Variants in UPF2 observed in about 807,000 individuals in gnomAD.
UPF2 encodes the protein UPF2 regulator of nonsense mediated mRNA decay.
In UPF2, 17 loss-of-function variants were observed where a neutral mutation model predicts 141.4. The observed-to-expected ratio is 0.12, with a 90% CI of 0.08 to 0.18. UPF2 has a LOEUF of 0.18. Ranked by LOEUF, UPF2 falls within the 10% of genes least tolerant of loss-of-function variation. UPF2 has a pLI of 1.00. For missense variants in UPF2, 1,152 were observed against 1,515.9 expected, an observed-to-expected ratio of 0.76 and a Z score of 3.99; for synonymous variants, 540 against 498.0, an observed-to-expected ratio of 1.08 and a Z score of -1.12.
At chr10:11,928,692 G>C (rs1303517428) in intron 21 of UPF2, 2 of 355,684 alleles carry the variant, frequency 5.6e-6, no homozygotes, top group Non-Finnish European at 5.5e-6. Flanking sequence ...CTGGGCGACA[G>C]AGCCAGACTC....
At chr10:11,928,634 G>A (rs977374551) in intron 21 of UPF2, 9 of 229,030 alleles carry the variant, frequency 3.9e-5, no homozygotes, top group African/African-American at 7.1e-5. Flanking sequence ...GCGTGAACCC[G>A]GGAGGCAGAG....
intron 16 of UPF2, among the ~76,000 whole-genome samples, chr10:11,945,038 G>A (rs1832983730): frequency 6.6e-6 from 1 of 152,240 alleles, no homozygotes; most frequent in Non-Finnish European, 1.5e-5. Context: ...CCTTAGGGCA[G>A]TAACCATGAA....
chr10:11,922,122 G>A (rs868175630), intron 21 of UPF2, among the ~76,000 whole-genome samples: 3 of 152,074 alleles, frequency 2.0e-5, no homozygotes, highest in African/African-American at 7.2e-5. Flanking sequence ...AAAGACTGCC[G>A]GCACCCCCAG....
At chr10:12,017,774 G>C (rs2131291051) in intron 3 of UPF2, among the ~76,000 whole-genome samples, 1 of 152,022 alleles carries the variant, frequency 6.6e-6, no homozygotes, top group African/African-American at 2.4e-5. Flanking sequence ...TTAAGTTCTG[G>C]GATACATGTG....
rs769823744 is a variant in UPF2, at chr10:11,935,786, G to A, written c.3546+759C>T. 3.9e-5 allele frequency among the ~76,000 whole-genome samples: 6 copies of A among 152,158 alleles called. No homozygotes were observed. Among genetic ancestry groups the A allele is most frequent in the Admixed American group, 1.3e-4 (2 of 15,282 alleles). On this transcript the variant is annotated intron_variant, in intron 19 of 21. Transcript: ENST00000357604. This position sits in a 1 kb window ranked among gnomAD's most constrained non-coding sequence, Gnocchi z 4.9. Reference sequence around the variant, plus strand: ...CCTGAAATAGAATAGTACCTGGCACGTAGTGATGCTCAATAGTTGACAAAT... The same window carrying A: ...CCTGAAATAGAATAGTACCTGGCACATAGTGATGCTCAATAGTTGACAAAT...
At chr10:11,957,698 G>C (rs932517798) in intron 12 of UPF2, among the ~76,000 whole-genome samples, 1 of 151,922 alleles carries the variant, frequency 6.6e-6, no homozygotes, top group African/African-American at 2.4e-5. Flanking sequence ...TGTATTTTTG[G>C]TAGAAATGAG....
At position 11,956,077 on chromosome 10, in the gene UPF2, G is replaced by A. The variant is rs534348680; in HGVS notation, c.2574+243C>T. Among the ~76,000 whole-genome samples, 29 of 151,574 alleles carry A rather than the reference G, an allele frequency of 1.9e-4. No homozygotes were observed. The highest frequency in any genetic ancestry group is 6.1e-4 in the African/African-American group (25 of 41,320). ...CAGGAGAATTGCTTGAACCCAGGAG[G>A]AAGAGGTTGCAGCGAGCGGAGATCG... On this transcript the variant is annotated intron_variant, in intron 13 of 21. Coordinates refer to ENST00000357604, the MANE Select transcript of UPF2 (RefSeq NM_015542.4). The surrounding 1 kb of genome is among the most constrained non-coding windows in gnomAD (Gnocchi z 4.2).
chr10:12,013,463 G>C (rs1187201575), intron 4 of UPF2, among the ~76,000 whole-genome samples: 2 of 151,866 alleles, frequency 1.3e-5, no homozygotes, highest in Non-Finnish European at 1.5e-5. Context: ...TTTTAGTAGA[G>C]ATGGCGTTTC....
chr10:11,989,483 G>T (rs990274062), intron 8 of UPF2, among the ~76,000 whole-genome samples: 8 of 151,990 alleles, frequency 5.3e-5, no homozygotes, highest in African/African-American at 1.9e-4. Flanking sequence ...AATGTAAAGA[G>T]TAACAGTCAA....
At chr10:11,987,347 T>C (rs1267286136) in intron 8 of UPF2, among the ~76,000 whole-genome samples, 1 of 152,180 alleles carries the variant, frequency 6.6e-6, no homozygotes, top group Non-Finnish European at 1.5e-5. Context: ...CAAAAAAAGA[T>C]ATAAACACTT....
chr10:11,973,318 C>T (rs967155918), intron 9 of UPF2, among the ~76,000 whole-genome samples: 5 of 152,002 alleles, frequency 3.3e-5, no homozygotes, highest in African/African-American at 1.2e-4. Context: ...TAAAAATTTT[C>T]TCCCATTCTG....
intron 9 of UPF2, among the ~76,000 whole-genome samples, chr10:11,976,236 A>C (rs1833505220): frequency 6.6e-6 from 1 of 152,226 alleles, no homozygotes; most frequent in Non-Finnish European, 1.5e-5. Context: ...GGAAAAACAT[A>C]CCAGACTGCA....
chr10:12,003,923 C>CAA (rs34191709), intron 5 of UPF2, among the ~76,000 whole-genome samples: 45,015 of 81,516 alleles, frequency 0.55, 11,931 homozygotes, highest in East Asian at 0.8. Context: ...AACTCCGCCT[C>CAA]AAAAAAAAAA....
At chr10:11,965,708 C>T (rs1339981499) in intron 10 of UPF2, among the ~76,000 whole-genome samples, 1 of 152,186 alleles carries the variant, frequency 6.6e-6, no homozygotes, top group Non-Finnish European at 1.5e-5. Flanking sequence ...ATCTGCCCGC[C>T]TCGGCCTCCC....
intron 5 of UPF2, 50 bp from the exon 6 acceptor site, chr10:12,001,875 C>T: frequency 6.7e-7 from 1 of 1,495,642 alleles, no homozygotes; most frequent in Non-Finnish European, 8.9e-7. Flanking sequence ...TATGAAAATC[C>T]TGCTGCACAA....
At chr10:11,958,415 C>G (rs1405996750) in intron 12 of UPF2, among the ~76,000 whole-genome samples, 1 of 152,166 alleles carries the variant, frequency 6.6e-6, no homozygotes, top group East Asian at 1.9e-4. Context: ...TCCAACGAAG[C>G]TGGTATGAGA....
At position 11,922,599 on chromosome 10, in the gene UPF2, T is replaced by C. The variant is rs545654445; in HGVS notation, c.3810-1292A>G. ...TAAGGTATAGTTATATCACTAGTTA[T>C]AGTGTAAGGTGTCATTTGACTGGTT... is the stretch of plus-strand genomic sequence containing the variant. On this transcript the variant is annotated intron_variant, in intron 21 of 21. Coordinates refer to ENST00000357604, the MANE Select transcript of UPF2 (RefSeq NM_015542.4). Among the ~76,000 whole-genome samples the C allele has an allele frequency of 1.6e-4, 25 of 152,358 alleles. No homozygotes were observed. In the Middle Eastern group the frequency reaches 0.01, roughly 62 times the overall value.
chr10:11,982,899 C>T (rs1396984852), intron 8 of UPF2, among the ~76,000 whole-genome samples: 1 of 152,134 alleles, frequency 6.6e-6, no homozygotes, highest in Non-Finnish European at 1.5e-5. Context: ...AAATTACAGA[C>T]ATGAGCCACT....
intron 1 of UPF2, among the ~76,000 whole-genome samples, chr10:12,036,076 T>G (rs979019439): frequency 1.3e-5 from 2 of 152,210 alleles, no homozygotes; most frequent in African/African-American, 2.4e-5. Context: ...TTAGTTAAAG[T>G]TAATTTATAA....
Sources: gnomAD v4.1 joint callset for allele counts (sites outside exome capture counted in the v4.1 genomes callset) on GRCh38, gnomAD v4.1.1 for gene constraint, Gnocchi (gnomAD v3.1) non-coding constraint, MANE v1.5 for transcripts, NCBI Gene and HGNC (gene_info 2026-07-23, HGNC 2026-07-21) for gene names.